The following TET1 variants were observed in gnomAD, a reference collection of about 807,000 sequenced individuals.
TET1 encodes the protein tet methylcytosine dioxygenase 1.
Under a neutral mutation model 148.7 loss-of-function variants are expected in TET1, and 13 were observed. The observed-to-expected ratio is 0.09, with a 90% CI of 0.06 to 0.14. The LOEUF is 0.14. Ranked by LOEUF, TET1 falls within the 10% of genes least tolerant of loss-of-function variation. TET1 has a pLI of 1.00. For missense variants in TET1, 2,182 were observed against 2,553.8 expected (o/e 0.85, Z 3.14); for synonymous variants, 907 against 937.2 (o/e 0.97, Z 0.59).
chr10:68,635,419 C>A (rs2054635795), intron 3 of TET1, among the ~76,000 whole-genome samples: 1 of 152,010 alleles, frequency 6.6e-6, no homozygotes, highest in Non-Finnish European at 1.5e-5. Context: ...CATAGCAAGA[C>A]CCTGTCTCTT....
At position 68,572,395 on chromosome 10, in the gene TET1, CA is replaced by C. The variant is rs1196853334; in HGVS notation, c.65del (p.Lys22ArgfsTer23). The C allele has an allele frequency of 1.2e-6, 2 of 1,610,096 alleles. No individual in the cohort carries two copies. The highest frequency in any genetic ancestry group is 1.7e-5 in the Admixed American group (1 of 59,116). On this transcript the variant is annotated frameshift_variant, in exon 2 of 12. Coordinates refer to ENST00000373644, the MANE Select transcript of TET1 (RefSeq NM_030625.3). LOFTEE classifies it high-confidence loss of function. ...SRLVRKEDVN[K>X]KKKNSQLRKT... ...GATTAGTCAGGAAGGAAGATGTAAA[CA>C]AAAAAAAGAAAAACAGCCAACTACG...
chr10:68,675,041 G>A, intron 8 of TET1: 4 of 469,412 alleles, frequency 8.5e-6, no homozygotes, highest in South Asian at 3.9e-5. Flanking sequence ...AAGCCACTGA[G>A]GACAAAACAG....
intron 4 of TET1, among the ~76,000 whole-genome samples, chr10:68,650,779 C>T (rs2133122): frequency 0.19 from 29,202 of 152,088 alleles, 3,541 homozygotes; most frequent in African/African-American, 0.34. Context: ...GTAATTCTTA[C>T]TACACATGAG....
intron 3 of TET1, among the ~76,000 whole-genome samples, chr10:68,621,783 A>G (rs1486723379): frequency 6.6e-6 from 1 of 152,190 alleles, no homozygotes; most frequent in Non-Finnish European, 1.5e-5. Context: ...GGATTAAAGA[A>G]CTGAGTGATC....
chr10:68,668,199 A>T (rs181180462), intron 7 of TET1, among the ~76,000 whole-genome samples: 1 of 151,898 alleles, frequency 6.6e-6, no homozygotes. Context: ...ATTTGCAAAT[A>T]TTTTTCTCAG....
chr10:68,625,296 A>C (rs899914404), intron 3 of TET1, among the ~76,000 whole-genome samples: 1 of 152,200 alleles, frequency 6.6e-6, no homozygotes, highest in South Asian at 2.1e-4. Context: ...GATTTGTTTG[A>C]ATCAGTTTTG....
At chr10:68,594,959 A>G (rs1382076965) in intron 2 of TET1, among the ~76,000 whole-genome samples, 1 of 150,074 alleles carries the variant, frequency 6.7e-6, no homozygotes, top group Non-Finnish European at 1.5e-5. Context: ...AGCCTGGGCA[A>G]CAGTGCTCAA....
chr10:68,573,937 C>T lies in TET1; in HGVS notation c.1599C>T (p.Leu533=), dbSNP rs751740255. 3 of 1,614,114 alleles carry T rather than the reference C, an allele frequency of 1.9e-6. No individual in the cohort carries two copies. Among genetic ancestry groups the T allele is most frequent in the South Asian group, 1.1e-5 (1 of 91,092 alleles). ...LFHASLGIAQ[L]SQAGPSKSDR... ...ATGCTTCACTGGGTATAGCCCAACT[C>T]TCTCAGGCTGGTCCTAGCAAATCAG... The change falls in exon 2 of 12, where the codon CTC becomes CTT. Residue 533 remains leucine (L), a synonymous_variant. Transcript: ENST00000373644.
At chr10:68,680,863 C>CT (rs1781119534) in intron 8 of TET1, among the ~76,000 whole-genome samples, 3 of 152,182 alleles carry the variant, frequency 2.0e-5, no homozygotes, top group African/African-American at 7.2e-5. Context: ...TGACCTTGCT[C>CT]TTTCGTAGAG....
At chr10:68,672,771 A>C in intron 7 of TET1, 124 bp from the exon 8 acceptor site, 1 of 659,710 alleles carries the variant, frequency 1.5e-6, no homozygotes, top group South Asian at 4.5e-5. Context: ...AAGTAATATA[A>C]TAGATAAGTG....
At chr10:68,635,643 G>T (rs763535335) in intron 3 of TET1, among the ~76,000 whole-genome samples, 1 of 152,186 alleles carries the variant, frequency 6.6e-6, no homozygotes, top group Non-Finnish European at 1.5e-5. Context: ...AAGCATGGGT[G>T]GGGGATTGTT....
chr10:68,640,473 A>G (rs1057063498), intron 3 of TET1, among the ~76,000 whole-genome samples: 9 of 145,842 alleles, frequency 6.2e-5, no homozygotes, highest in Non-Finnish European at 1.3e-4. Flanking sequence ...CATCTTGGCC[A>G]GGCTGGTCTT....
chr10:68,640,303 G>A (rs540877377), intron 3 of TET1, among the ~76,000 whole-genome samples: 22 of 150,402 alleles, frequency 1.5e-4, no homozygotes, highest in East Asian at 9.7e-4. Flanking sequence ...TCACTCTGTC[G>A]CCCAGGCTGG....
intron 6 of TET1, among the ~76,000 whole-genome samples, chr10:68,661,423 A>T (rs3998858): frequency 6.6e-6 from 1 of 151,482 alleles, no homozygotes; most frequent in Non-Finnish European, 1.5e-5. Flanking sequence ...AGCCATTACA[A>T]TTTTATCCTG....
chr10:68,569,133 G>A (rs2053637965), intron 1 of TET1, among the ~76,000 whole-genome samples: 1 of 150,610 alleles, frequency 6.6e-6, no homozygotes, highest in South Asian at 2.1e-4. Flanking sequence ...GAATGTGGTA[G>A]GAATACTGCT....
chr10:68,621,209 G>A (rs1456106922), intron 3 of TET1, among the ~76,000 whole-genome samples: 3 of 152,166 alleles, frequency 2.0e-5, no homozygotes, highest in African/African-American at 7.2e-5. Context: ...GCCAAGGTGG[G>A]AGGATTGCTT....
chr10:68,577,118 G>A (rs958198978), intron 2 of TET1, among the ~76,000 whole-genome samples: 2 of 152,166 alleles, frequency 1.3e-5, no homozygotes, highest in African/African-American at 4.8e-5. Flanking sequence ...CACCGTGTTA[G>A]CCAGGATGGT....
chr10:68,661,809 T>A (rs1156735363), intron 6 of TET1, among the ~76,000 whole-genome samples: 2 of 134,806 alleles, frequency 1.5e-5, no homozygotes, highest in African/African-American at 5.9e-5. Flanking sequence ...TTCTTTTCTT[T>A]GTTAAAAAAA....
rs2055621339 is a variant in TET1 at position 68,693,706 on chromosome 10, A to G, written c.*1892A>G. 2 of 231,788 alleles carry G rather than the reference A, an allele frequency of 8.6e-6. No individual in the cohort carries two copies. Among genetic ancestry groups the G allele is most frequent in the East Asian group, 6.1e-5 (1 of 16,268 alleles). The allele number at this position is 231,788 out of a possible 1,614,324, so 14.4% of individuals were successfully genotyped here. On this transcript the variant is annotated 3_prime_UTR_variant, in exon 12 of 12. Transcript: ENST00000373644. ...TGAGCCTAAGGTTTCTTATATACAT[A>G]TAAGTATATAAATAAGTGATTGTTT...
Sources: allele counts gnomAD v4.1 joint callset (sites outside exome capture counted in the v4.1 genomes callset), GRCh38; gene constraint gnomAD v4.1.1; transcripts MANE v1.5; gene names NCBI Gene and HGNC (gene_info 2026-07-23, HGNC 2026-07-21).